Variants in DGLUCY observed in about 807,000 individuals in gnomAD.
The protein encoded by DGLUCY is D-glutamate cyclase, mitochondrial.
DGLUCY carries 58 observed loss-of-function variants against 58.5 expected under a neutral mutation model. That is an observed-to-expected ratio of 0.99 (90% confidence interval 0.80 to 1.23). The LOEUF is 1.23. Ranked by LOEUF, DGLUCY falls within the 50% of genes most tolerant of loss-of-function variation. The pLI, the probability that DGLUCY is intolerant of heterozygous loss-of-function variation, is 0.00. For missense variants in DGLUCY, 779 were observed against 784.7 expected (o/e 0.99, Z 0.09); for synonymous variants, 325 against 314.1 (o/e 1.03, Z -0.37).
chr14:91,162,208 C>T (rs2048032876), intron 3 of DGLUCY, among the ~76,000 whole-genome samples: 1 of 152,194 alleles, frequency 6.6e-6, no homozygotes, highest in Non-Finnish European at 1.5e-5. Context: ...TACCAAACAG[C>T]TGGGAAACTC....
upstream of DGLUCY, among the ~76,000 whole-genome samples, chr14:91,104,306 C>T (rs1277111008): frequency 6.6e-6 from 1 of 151,944 alleles, no homozygotes; most frequent in Admixed American, 6.6e-5. Context: ...TCGTGATCCG[C>T]CCTCCTCGGC....
At chr14:91,115,472 G>T (rs1292272601) in intron 1 of DGLUCY, among the ~76,000 whole-genome samples, 1 of 152,178 alleles carries the variant, frequency 6.6e-6, no homozygotes, top group Non-Finnish European at 1.5e-5. Flanking sequence ...CGCCCAGGCT[G>T]GAGTGCAGTG....
intron 1 of DGLUCY, among the ~76,000 whole-genome samples, chr14:91,136,225 G>T (rs2046331245): frequency 6.6e-6 from 1 of 151,760 alleles, no homozygotes; most frequent in Non-Finnish European, 1.5e-5. Context: ...GAGCCACCGA[G>T]CCCGGCCACA....
intron 1 of DGLUCY, among the ~76,000 whole-genome samples, chr14:91,077,294 G>A (rs980347381): frequency 6.7e-6 from 1 of 149,912 alleles, no homozygotes; most frequent in African/African-American, 2.5e-5. Flanking sequence ...AAACAAAGAG[G>A]AAAGAAGAAA....
intron 1 of DGLUCY, among the ~76,000 whole-genome samples, chr14:91,077,858 G>T (rs959835710): frequency 6.6e-6 from 1 of 150,880 alleles, no homozygotes; most frequent in Non-Finnish European, 1.5e-5. Flanking sequence ...GAGGAATGAA[G>T]GAAGAAAGGA....
intron 7 of DGLUCY, among the ~76,000 whole-genome samples, chr14:91,180,534 T>C (rs528304584): frequency 9.0e-5 from 13 of 144,656 alleles, no homozygotes; most frequent in East Asian, 8.2e-4. Context: ...ATCATACCAC[T>C]GCACTCCAGC....
At chr14:91,160,199 G>A (rs1012648810) in intron 2 of DGLUCY, 67 bp from the exon 3 acceptor site, 48 of 964,620 alleles carry the variant, frequency 5.0e-5, no homozygotes, top group Non-Finnish European at 7.6e-5. Context: ...GAAGCTATGT[G>A]AGGCTGAATC....
Position 91,129,862 on chromosome 14 carries a change from G to A in DGLUCY, c.-82+15579G>A, listed in dbSNP as rs143288364. On this transcript the variant is annotated intron_variant, in intron 1 of 13. Coordinates refer to ENST00000256324, the MANE Select transcript of DGLUCY (RefSeq NM_001102368.3). Reference sequence around the variant, plus strand: ...GAGTTTCTCCATATTGGTCAGGCTAGTCTTGAACTCCCGACCTCAGGTGAT... The same window carrying A: ...GAGTTTCTCCATATTGGTCAGGCTAATCTTGAACTCCCGACCTCAGGTGAT... Among the ~76,000 whole-genome samples the A allele has an allele frequency of 3.8e-3, 583 of 152,238 alleles. 4 individuals carry two copies. Among genetic ancestry groups the A allele is most frequent in the African/African-American group, 0.012 (492 of 41,540 alleles).
intron 13 of DGLUCY, among the ~76,000 whole-genome samples, chr14:91,216,626 A>G (rs1886558491): frequency 6.9e-6 from 1 of 145,216 alleles, no homozygotes; most frequent in Non-Finnish European, 1.5e-5. Flanking sequence ...CCTTGGAGAC[A>G]GAGTGGGAGA....
intron 1 of DGLUCY, among the ~76,000 whole-genome samples, chr14:91,139,633 C>G (rs1246983062): frequency 6.6e-6 from 1 of 152,130 alleles, no homozygotes; most frequent in Admixed American, 6.6e-5. Context: ...TGCAGTGCGC[C>G]GAGATCGTGC....
chr14:91,175,704 G>A (rs2140426154), intron 6 of DGLUCY: 5 of 423,096 alleles, frequency 1.2e-5, no homozygotes, highest in Non-Finnish European at 2.2e-5. Context: ...ACGCCACACA[G>A]TTTGAGATTC....
chr14:91,068,257 G>A (rs577674452), intron 1 of DGLUCY, among the ~76,000 whole-genome samples: 8 of 152,340 alleles, frequency 5.3e-5, no homozygotes, highest in East Asian at 3.9e-4. Context: ...ACACTAGGAC[G>A]AAAGGGAAGA....
chr14:91,083,566 G>A (rs1156604835), intron 1 of DGLUCY, among the ~76,000 whole-genome samples: 1 of 151,434 alleles, frequency 6.6e-6, no homozygotes, highest in African/African-American at 2.4e-5. Context: ...GTAAAAGAGC[G>A]AGTCTCCACG....
chr14:91,167,794 C>G (rs1467274439), intron 4 of DGLUCY: 8 of 633,598 alleles, frequency 1.3e-5, no homozygotes, highest in Non-Finnish European at 2.3e-5. Context: ...AATGGCCCTA[C>G]TGATGCTGGG....
chr14:91,105,197 C>T (rs748907188), upstream of DGLUCY, among the ~76,000 whole-genome samples: 3 of 152,000 alleles, frequency 2.0e-5, no homozygotes, highest in Non-Finnish European at 2.9e-5. Flanking sequence ...TGCCTGTAAT[C>T]CCCACTACTT....
At chr14:91,138,893 T>A (rs1411875650) in intron 1 of DGLUCY, among the ~76,000 whole-genome samples, 1 of 152,056 alleles carries the variant, frequency 6.6e-6, no homozygotes, top group African/African-American at 2.4e-5. Flanking sequence ...GACCATGAGC[T>A]CAATCAAAAG....
At chr14:91,121,458 G>A (rs1230729157) in intron 1 of DGLUCY, among the ~76,000 whole-genome samples, 1 of 152,158 alleles carries the variant, frequency 6.6e-6, no homozygotes, top group East Asian at 1.9e-4. Flanking sequence ...GGAGGCCGAG[G>A]TGGGTGGATC....
intron 10 of DGLUCY, among the ~76,000 whole-genome samples, chr14:91,196,979 G>C (rs897530530): frequency 6.6e-6 from 1 of 152,018 alleles, no homozygotes; most frequent in Admixed American, 6.6e-5. Flanking sequence ...TTTCTTTTAG[G>C]GGGTGGGGAT....
rs997663428 is a variant in DGLUCY, at chr14:91,072,667, A to C, written c.-82+11963A>C. ...ATTTGAGACACCAAAAAAAAAAACA[A>C]AAAACAAAACTTCCTCATGGTGCTT... On this transcript the variant is annotated intron_variant, in intron 1 of 4. Coordinates refer to the DGLUCY transcript ENST00000521334. Among the ~76,000 whole-genome samples, 102 of 150,788 alleles carry C rather than the reference A, an allele frequency of 6.8e-4. 1 individual carries two copies. The highest frequency in any genetic ancestry group is 9.6e-4 in the Non-Finnish European group (65 of 67,438).
Sources: gnomAD v4.1 joint callset for allele counts (sites outside exome capture counted in the v4.1 genomes callset) on GRCh38, gnomAD v4.1.1 for gene constraint, MANE v1.5 for transcripts, NCBI Gene and HGNC (gene_info 2026-07-23, HGNC 2026-07-21) for gene names.